The following PDIA4 variants were observed in gnomAD, a reference collection of about 807,000 sequenced individuals.
The protein encoded by PDIA4 is protein disulfide isomerase family A member 4.
A neutral mutation model predicts 62.1 loss-of-function variants in PDIA4; 33 were observed. That is an observed-to-expected ratio of 0.53 (90% CI 0.40 to 0.71). The LOEUF (loss-of-function observed/expected upper bound fraction) is 0.71, where lower values mean the gene tolerates loss of function less well. Among genes scored for constraint, PDIA4 ranks in the 30% least tolerant of loss-of-function variants. PDIA4 has a pLI of 0.00. For missense variants in PDIA4, 804 were observed against 813.6 expected (o/e 0.99, Z 0.14); for synonymous variants, 341 against 324.1 (o/e 1.05, Z -0.56).
chr7:149,019,817 ATTTT>A (rs1011792333), intron 2 of PDIA4, among the ~76,000 whole-genome samples: 7 of 152,372 alleles, frequency 4.6e-5, no homozygotes, highest in African/African-American at 1.2e-4. Context: ...TCTCAAAAAA[ATTTT>A]TTTTTAATTT....
rs145263198 is a variant in PDIA4, at chr7:149,008,164, C to T, written c.1126G>A (p.Val376Ile). The change falls in exon 7 of 10, where the codon GTC (valine) becomes ATC (isoleucine). Residue 376 changes from valine (V) to isoleucine (I), a missense_variant. Transcript: ENST00000652332. ...TGGCAGAGGGGCCCGCTTACCTGGACGTCCATCATGTGGCTCCGGGGCTCA... is the reference window on the plus strand; with the variant it reads ...TGGCAGAGGGGCCCGCTTACCTGGATGTCCATCATGTGGCTCCGGGGCTCA... ...KYEPRSHMMD[V>I]QGSTQDSAIK... The T allele has an allele frequency of 1.9e-5, 31 of 1,613,328 alleles. No homozygotes were observed. The African/African-American group carries it at 2.1e-4, about 11-fold the overall frequency.
At chr7:149,024,794 G>A (rs959872232) in intron 1 of PDIA4, among the ~76,000 whole-genome samples, 1 of 125,766 alleles carries the variant, frequency 8.0e-6, no homozygotes, top group African/African-American at 3.1e-5. Context: ...CCAGCCTGGC[G>A]ACCGAGCAAG....
chr7:149,015,005 G>T lies in PDIA4; in HGVS notation c.513C>A (p.Asp171Glu). ...GCGTGACTTCTGGTGGAGGCGTCCA[G>T]TCGGGCTGGGAGACTTCTCTGACCT... The part of the protein sequence containing the change: ...VAKVREVSQP[D>E]WTPPPEVTLV... Residue 171 changes from aspartate (D) to glutamate (E), a missense_variant, in exon 4 of 10, where the codon GAC becomes GAA. Asp to Glu is a conservative substitution (Grantham distance 45). Coordinates refer to ENST00000652332, the MANE Select transcript of PDIA4 (RefSeq NM_004911.5). 1 of 1,614,228 alleles carries T rather than the reference G, an allele frequency of 6.2e-7. No individual in the cohort carries two copies. The highest frequency in any genetic ancestry group is 1.3e-5 in the African/African-American group (1 of 75,062).
Position 149,005,120 on chromosome 7 carries a change from C to G in PDIA4, c.1522+21G>C, listed in dbSNP as rs375851869. On this transcript the variant is annotated intron_variant, in intron 9 of 9. Transcript: ENST00000652332. ...GAGCACAGCAGCTGATGGGAGACCC[C>G]AGCCCCAGCCACGGGCTCACCTTTT... 9.7e-5 allele frequency: 153 copies of G among 1,580,920 alleles called. No individual in the cohort carries two copies. In the African/African-American group the frequency reaches 1.6e-3, roughly 17 times the overall value.
chr7:149,016,218 C>T (rs113759028), intron 3 of PDIA4, among the ~76,000 whole-genome samples: 1 of 152,170 alleles, frequency 6.6e-6, no homozygotes, highest in African/African-American at 2.4e-5. Context: ...CCCACTTGAA[C>T]CCCGGAGGTG....
intron 1 of PDIA4, among the ~76,000 whole-genome samples, chr7:149,025,983 AC>A (rs965376026): frequency 6.6e-6 from 1 of 152,148 alleles, no homozygotes; most frequent in Non-Finnish European, 1.5e-5. Flanking sequence ...GGAGGCTTAA[AC>A]CATCAGAGCT....
intron 3 of PDIA4, among the ~76,000 whole-genome samples, chr7:149,017,387 C>T (rs1042498373): frequency 6.6e-6 from 1 of 152,120 alleles, no homozygotes; most frequent in African/African-American, 2.4e-5. Context: ...AGTTTGAGAC[C>T]AGCCTGACCA....
chr7:149,022,008 A>G (rs1172768486), intron 1 of PDIA4, among the ~76,000 whole-genome samples: 4 of 152,156 alleles, frequency 2.6e-5, no homozygotes, highest in African/African-American at 9.7e-5. Flanking sequence ...TATGCTTTCC[A>G]CAGGCAGGGC....
Position 149,003,969 on chromosome 7 carries a change from T to C in PDIA4, c.1763A>G (p.Asn588Ser), listed in dbSNP as rs1823644401. ...LVIAKMDATA[N>S]DVPSDRYKVE... ...CTTATAGCGGTCGCTGGGGACGTCG[T>C]TGGCAGTGGCGTCCATCTTGGCGAT... Residue 588 changes from asparagine to serine, a missense_variant, in exon 10 of 10, where the codon AAC becomes AGC. Transcript: ENST00000652332. 1.2e-6 allele frequency: 2 copies of C among 1,613,312 alleles called. No homozygotes were observed. The highest frequency in any genetic ancestry group is 8.5e-7 in the Non-Finnish European group (1 of 1,179,332).
chr7:149,027,923 A>G, intron 1 of PDIA4: 4 of 490,630 alleles, frequency 8.2e-6, no homozygotes, highest in South Asian at 6.2e-5. Flanking sequence ...CCTTCTCTCC[A>G]GTGGCTCTCC....
intron 1 of PDIA4, among the ~76,000 whole-genome samples, chr7:149,026,301 T>C (rs75091705): frequency 0.017 from 2,653 of 151,994 alleles, 37 homozygotes; most frequent in East Asian, 0.056. Context: ...GGATGGAGGA[T>C]TGCTTGAGGC....
In PDIA4 at chr7:149,012,325, T is replaced by C; in HGVS notation, c.650A>G (p.Glu217Gly). Residue 217 changes from glutamate (E) to glycine (G), a missense_variant, in exon 5 of 10, where the codon GAG becomes GGG. Transcript: ENST00000652332. ...CTTGCTGAGCTCCTTGGCGGCCTTC[T>C]CATACTCGGGGGCAAGTTTCTTGCA... ...GHCKKLAPEY[E>G]KAAKELSKRS... The C allele has an allele frequency of 4.3e-6, 7 of 1,613,730 alleles. No homozygotes were observed. Among genetic ancestry groups the C allele is most frequent in the Non-Finnish European group, 5.9e-6 (7 of 1,180,014 alleles).
intron 1 of PDIA4, among the ~76,000 whole-genome samples, chr7:149,023,781 C>G (rs1425987657): frequency 2.0e-5 from 3 of 152,138 alleles, no homozygotes; most frequent in African/African-American, 7.2e-5. Context: ...ATAGACAACT[C>G]CTTTACAGGG....
intron 6 of PDIA4, among the ~76,000 whole-genome samples, chr7:149,010,335 CA>C (rs1168218842): frequency 6.6e-6 from 1 of 151,782 alleles, no homozygotes; most frequent in Non-Finnish European, 1.5e-5. Context: ...CTTGTCTCCA[CA>C]AAAAAAATTA....
chr7:149,009,065 G>C (rs1823857107), intron 6 of PDIA4, among the ~76,000 whole-genome samples: 1 of 152,170 alleles, frequency 6.6e-6, no homozygotes. Context: ...CAAGTAGCTG[G>C]GACTATAGGC....
rs1823701364 is a variant in PDIA4 at position 149,005,172 on chromosome 7, G to A, written c.1491C>T (p.Thr497=). 4 of 1,613,790 alleles carry A rather than the reference G, an allele frequency of 2.5e-6. No homozygotes were observed. Among genetic ancestry groups the A allele is most frequent in the South Asian group, 1.1e-5 (1 of 91,072 alleles). ...AMEPEEFDSD[T]LREFVTAFKK... is the part of the protein sequence containing the mutation. ...TGAAAGCAGTGACAAACTCGCGGAG[G>A]GTGTCAGAGTCAAACTCCTCTGGCT... is the stretch of plus-strand genomic sequence containing the variant. Residue 497 remains threonine (T), a synonymous_variant, in exon 9 of 10, where the codon ACC becomes ACT. Coordinates refer to ENST00000652332, the MANE Select transcript of PDIA4 (RefSeq NM_004911.5).
At chr7:149,017,415 C>G (rs1824175127) in intron 3 of PDIA4, among the ~76,000 whole-genome samples, 3 of 152,254 alleles carry the variant, frequency 2.0e-5, no homozygotes, top group South Asian at 4.1e-4. Context: ...GAAACCCCGT[C>G]TCTACTGAAA....
Position 149,008,139 on chromosome 7 carries a change from T to G in PDIA4, c.1131+20A>C. ...GCCTGCGGGGTGTCCAGGGCTGGCA[T>G]GGCAGAGGGGCCCGCTTACCTGGAC... On this transcript the variant is annotated intron_variant, in intron 7 of 9. Coordinates refer to ENST00000652332, the MANE Select transcript of PDIA4 (RefSeq NM_004911.5). 1.9e-6 allele frequency: 3 copies of G among 1,610,964 alleles called. No homozygotes were observed. The highest frequency in any genetic ancestry group is 2.5e-6 in the Non-Finnish European group (3 of 1,178,444).
chr7:149,016,666 C>T (rs531162008), intron 3 of PDIA4, among the ~76,000 whole-genome samples: 1 of 152,162 alleles, frequency 6.6e-6, no homozygotes, highest in African/African-American at 2.4e-5. Flanking sequence ...CACCTGCCAC[C>T]ACATCCAGCT....
Sources: gnomAD v4.1 joint callset for allele counts (sites outside exome capture counted in the v4.1 genomes callset) on GRCh38, gnomAD v4.1.1 for gene constraint, MANE v1.5 for transcripts, NCBI Gene and HGNC (gene_info 2026-07-23, HGNC 2026-07-21) for gene names.